KCNMA1: variants seen among roughly 807,000 people sequenced by gnomAD.
The protein encoded by KCNMA1 is Calcium-activated potassium channel subunit alpha-1.
A neutral mutation model predicts 140.0 loss-of-function variants in KCNMA1; 29 were observed. That is an observed-to-expected ratio of 0.21 (90% CI 0.15 to 0.28). The LOEUF (loss-of-function observed/expected upper bound fraction) is 0.28. Ranked by LOEUF, KCNMA1 falls within the 10% of genes least tolerant of loss-of-function variation. KCNMA1 has a pLI of 1.00. For synonymous variants in KCNMA1, 612 were observed against 611.9 expected, an observed-to-expected ratio of 1.00 and a Z score of 0.00; for missense variants, 880 against 1,602.2, an observed-to-expected ratio of 0.55 and a Z score of 7.70.
At chr10:76,908,211 G>A in intron 25 of KCNMA1, among the ~76,000 whole-genome samples, 1 of 152,178 alleles carries the variant, frequency 6.6e-6, no homozygotes, top group East Asian at 1.9e-4. Flanking sequence ...AACACATCTT[G>A]AGGCTTCTAT....
intron 23 of KCNMA1, among the ~76,000 whole-genome samples, chr10:76,917,056 C>T (rs746883891): frequency 3.0e-4 from 45 of 152,138 alleles, no homozygotes; most frequent in Non-Finnish European, 6.3e-4. Context: ...TTTCAGCCAA[C>T]CACATAACCA....
Position 77,251,271 on chromosome 10 carries a change from G to A in KCNMA1, c.541-15C>T, listed in dbSNP as rs1409719680. ...ACTAAGACAACCTGTAAAAGAAGAG[G>A]AGAATGCCATCACTTAAGAGTTGGA... On this transcript the variant is annotated splice_polypyrimidine_tract_variant and intron_variant, in intron 2 of 27. Coordinates refer to ENST00000286628, the MANE Select transcript of KCNMA1 (RefSeq NM_001161352.2). 13 of 1,606,890 alleles carry A rather than the reference G, an allele frequency of 8.1e-6. No homozygotes were observed. Among genetic ancestry groups the A allele is most frequent in the Non-Finnish European group, 9.4e-6 (11 of 1,173,888 alleles).
At chr10:77,323,977 G>A (rs982927253) in intron 2 of KCNMA1, among the ~76,000 whole-genome samples, 5 of 152,292 alleles carry the variant, frequency 3.3e-5, no homozygotes, top group African/African-American at 9.6e-5. Flanking sequence ...TCCTGAGGTC[G>A]GTATGCAGAT....
At chr10:77,387,955 G>C (rs763608032) in intron 2 of KCNMA1, among the ~76,000 whole-genome samples, 1 of 152,142 alleles carries the variant, frequency 6.6e-6, no homozygotes, top group Non-Finnish European at 1.5e-5. Context: ...ATGACTGTTT[G>C]CTGCTGAACC....
chr10:76,888,837 G>T (rs1383255381), intron 27 of KCNMA1, among the ~76,000 whole-genome samples: 1 of 152,152 alleles, frequency 6.6e-6, no homozygotes, highest in Admixed American at 6.5e-5. Flanking sequence ...GGCCGAGGTG[G>T]GTGGATCACT....
At chr10:77,058,103 AAAAG>A (rs1450321914) in intron 14 of KCNMA1, among the ~76,000 whole-genome samples, 9 of 152,080 alleles carry the variant, frequency 5.9e-5, no homozygotes, top group Non-Finnish European at 4.4e-5. Context: ...CACCAATCAA[AAAAG>A]AAAGCTTGAG....
In KCNMA1 at chr10:76,911,325, T is replaced by C. The variant is rs1235374381; in HGVS notation, c.3017-1229A>G. ...TTGTTTCCCCAGAGAAAAATTCTAA[T>C]GGGGAAAATCTTTGCTCTGTTCTTC... On this transcript the variant is annotated intron_variant, in intron 24 of 27. Coordinates refer to ENST00000286628, the MANE Select transcript of KCNMA1 (RefSeq NM_001161352.2). 5 of 152,326 alleles carry C rather than the reference T, an allele frequency of 3.3e-5. No individual in the cohort carries two copies. In the East Asian group the frequency reaches 5.8e-4, roughly 18 times the overall value. 9.4% of individuals were successfully genotyped at this position (152,326 alleles called of 1,614,324 possible).
At chr10:77,575,995 T>C (rs796141355) in intron 1 of KCNMA1, among the ~76,000 whole-genome samples, 6 of 152,232 alleles carry the variant, frequency 3.9e-5, no homozygotes, top group African/African-American at 1.2e-4. Flanking sequence ...TCAAGGCCCA[T>C]GTTTCTAGCC....
intron 3 of KCNMA1, among the ~76,000 whole-genome samples, chr10:77,205,550 C>T (rs1278744938): frequency 6.6e-6 from 1 of 152,154 alleles, no homozygotes. Context: ...CTAATTTTTC[C>T]AGTAAGGCTG....
chr10:77,607,966 G>A lies in KCNMA1; in HGVS notation c.378+29299C>T, dbSNP rs563537226. On this transcript the variant is annotated intron_variant, in intron 1 of 27. Coordinates refer to ENST00000286628, the MANE Select transcript of KCNMA1 (RefSeq NM_001161352.2). The stretch of plus-strand genomic sequence containing the variant: ...AAAAGAGACCCATCCCTGCCTTCCC[G>A]TAACATATTGTCATCCTCTTTCCTC... Among the ~76,000 whole-genome samples the A allele has an allele frequency of 8.5e-5, 13 of 152,154 alleles. 1 individual carries two copies. The South Asian group carries it at 1.0e-3, about 12-fold the overall frequency.
At chr10:77,403,285 A>G (rs1213039759) in intron 2 of KCNMA1, among the ~76,000 whole-genome samples, 1 of 152,170 alleles carries the variant, frequency 6.6e-6, no homozygotes, top group Non-Finnish European at 1.5e-5. Context: ...AGGGCACACA[A>G]GCGAGCTCTA....
At chr10:77,104,989 G>C (rs2097172051) in intron 9 of KCNMA1, among the ~76,000 whole-genome samples, 1 of 152,298 alleles carries the variant, frequency 6.6e-6, no homozygotes. Context: ...TTATGAATAA[G>C]ATTTAGGGTA....
intron 1 of KCNMA1, among the ~76,000 whole-genome samples, chr10:77,451,240 T>G (rs890668217): frequency 6.6e-6 from 1 of 151,982 alleles, no homozygotes; most frequent in African/African-American, 2.4e-5. Context: ...ACCAGTGACA[T>G]CCCGGAATTA....
intron 1 of KCNMA1, chr10:77,636,833 GCTCC>G: frequency 7.0e-7 from 1 of 1,433,312 alleles, no homozygotes; most frequent in East Asian, 2.5e-5. Flanking sequence ...GGGCGGATGT[GCTCC>G]CTCTCGCCCA....
chr10:77,150,687 A>G (rs1335210431), intron 5 of KCNMA1, among the ~76,000 whole-genome samples: 2 of 152,270 alleles, frequency 1.3e-5, no homozygotes, highest in Non-Finnish European at 2.9e-5. Flanking sequence ...AAAACCTTAC[A>G]TTGGCTGACA....
At chr10:77,272,763 A>G (rs1330647121) in intron 2 of KCNMA1, among the ~76,000 whole-genome samples, 1 of 152,184 alleles carries the variant, frequency 6.6e-6, no homozygotes, top group Non-Finnish European at 1.5e-5. Flanking sequence ...TAAATGTTAG[A>G]TCATTAAGTT....
rs2038987224 is a variant in KCNMA1 at position 77,192,642 on chromosome 10, A to G, written c.603-7726T>C. 2.6e-5 allele frequency among the ~76,000 whole-genome samples: 4 copies of G among 152,230 alleles called. No individual in the cohort carries two copies. In the South Asian group the frequency reaches 8.3e-4, roughly 32 times the overall value. On this transcript the variant is annotated intron_variant, in intron 3 of 27. Coordinates refer to ENST00000286628, the MANE Select transcript of KCNMA1 (RefSeq NM_001161352.2). ...GTTCTAAGACTGAATCAGATGACTC[A>G]GCACTCAAAAGTGATAGTAATTTCC...
At chr10:77,059,361 A>G (rs2153662309) in intron 14 of KCNMA1, among the ~76,000 whole-genome samples, 1 of 152,214 alleles carries the variant, frequency 6.6e-6, no homozygotes, top group Middle Eastern at 3.4e-3. Context: ...TCATTTTATA[A>G]AGCCAACATT....
chr10:76,911,217 CT>C (rs1420956606), intron 24 of KCNMA1: 1 of 149,624 alleles, frequency 6.7e-6, no homozygotes, highest in Non-Finnish European at 1.5e-5. Context: ...AAAAAAAAAA[CT>C]TTTGTTTACT....
Sources: allele counts gnomAD v4.1 joint callset (sites outside exome capture counted in the v4.1 genomes callset), GRCh38; gene constraint gnomAD v4.1.1; transcripts MANE v1.5; gene names NCBI Gene and HGNC (gene_info 2026-07-23, HGNC 2026-07-21).